GRIK1: variants seen among roughly 807,000 people sequenced by gnomAD.
GRIK1 encodes the protein glutamate receptor ionotropic, kainate 1.
Under a neutral mutation model 105.7 loss-of-function variants are expected in GRIK1, and 69 were observed. The observed-to-expected ratio is 0.65, with a 90% CI of 0.54 to 0.80. The LOEUF (loss-of-function observed/expected upper bound fraction) is 0.80, where lower values mean the gene tolerates loss of function less well. Ranked by LOEUF, GRIK1 falls within the 30% of genes least tolerant of loss-of-function variation. The pLI is 0.00. For missense variants in GRIK1, 1,109 were observed against 1,167.3 expected (o/e 0.95, Z 0.73); for synonymous variants, 438 against 431.3 (o/e 1.02, Z -0.19).
At chr21:29,821,139 G>T (rs2067295017) in intron 1 of GRIK1, among the ~76,000 whole-genome samples, 2 of 151,532 alleles carry the variant, frequency 1.3e-5, no homozygotes, top group African/African-American at 4.8e-5. Context: ...CAAAGGCCTT[G>T]CCCATAATAT....
intron 1 of GRIK1, among the ~76,000 whole-genome samples, chr21:29,921,772 G>A (rs2071201865): frequency 1.3e-5 from 2 of 152,054 alleles, no homozygotes; most frequent in African/African-American, 4.8e-5. Flanking sequence ...ATTAACGTAC[G>A]CTAAAACTTG....
At chr21:29,618,431 C>T (rs182916230) in intron 7 of GRIK1, among the ~76,000 whole-genome samples, 2 of 152,292 alleles carry the variant, frequency 1.3e-5, no homozygotes, top group Non-Finnish European at 2.9e-5. Context: ...CTAGTACAAC[C>T]ACTATGGAAA....
At chr21:29,707,100 G>A (rs1353841254) in intron 1 of GRIK1, among the ~76,000 whole-genome samples, 6 of 152,138 alleles carry the variant, frequency 3.9e-5, no homozygotes, top group African/African-American at 7.2e-5. Context: ...TCCTGACCTC[G>A]TGATCCGCCC....
intron 2 of GRIK1, 129 bp from the exon 3 acceptor site, chr21:29,690,114 T>C (rs2063559004): frequency 1.4e-6 from 1 of 738,948 alleles, no homozygotes; most frequent in Non-Finnish European, 2.2e-6. Context: ...AAAAATCTTT[T>C]ACAATCCCTG....
At chr21:29,639,743 G>C (rs2062471775) in intron 7 of GRIK1, among the ~76,000 whole-genome samples, 1 of 152,200 alleles carries the variant, frequency 6.6e-6, no homozygotes, top group Non-Finnish European at 1.5e-5. Context: ...TACTTTTCAA[G>C]GGTGTTATCC....
chr21:29,625,799 T>C (rs1257890301), intron 7 of GRIK1, among the ~76,000 whole-genome samples: 1 of 152,188 alleles, frequency 6.6e-6, no homozygotes, highest in Non-Finnish European at 1.5e-5. Flanking sequence ...TCTTGCTCAA[T>C]ATTGATTGCA....
At chr21:29,835,800 A>G (rs1400175063) in intron 1 of GRIK1, among the ~76,000 whole-genome samples, 1 of 152,092 alleles carries the variant, frequency 6.6e-6, no homozygotes, top group Admixed American at 6.6e-5. Context: ...TATTTTTTTT[A>G]ACTTATTAAC....
chr21:29,903,865 G>A (rs2070504358), intron 1 of GRIK1, among the ~76,000 whole-genome samples: 1 of 152,136 alleles, frequency 6.6e-6, no homozygotes, highest in Non-Finnish European at 1.5e-5. Flanking sequence ...CAAAGACTTG[G>A]AACCAACCCA....
At chr21:29,601,519 C>T (rs1310812377) in intron 7 of GRIK1, among the ~76,000 whole-genome samples, 2 of 152,138 alleles carry the variant, frequency 1.3e-5, no homozygotes, top group Non-Finnish European at 2.9e-5. Flanking sequence ...TTCCTACCAC[C>T]GCTCCCCTAT....
intron 6 of GRIK1, among the ~76,000 whole-genome samples, chr21:29,643,634 T>C (rs193087804): frequency 1.1e-4 from 16 of 152,282 alleles, no homozygotes; most frequent in African/African-American, 3.6e-4. Flanking sequence ...TTTTAGGGGG[T>C]TGGGCATCTC....
At position 29,640,221 on chromosome 21, in the gene GRIK1, C is replaced by T. The variant is rs2062484451; in HGVS notation, c.1098+2605G>A. ...GACCAAGTTCCTTATTTCATGTTTCCTAATGAAACCTGATACTTGCAAAAT... is the reference window on the plus strand; with the variant it reads ...GACCAAGTTCCTTATTTCATGTTTCTTAATGAAACCTGATACTTGCAAAAT... On this transcript the variant is annotated intron_variant, in intron 7 of 17. Transcript: ENST00000327783. Among the ~76,000 whole-genome samples the T allele has an allele frequency of 3.3e-5, 5 of 151,036 alleles. No homozygotes were observed. In the South Asian group the frequency reaches 1.0e-3, roughly 32 times the overall value.
At position 29,541,575 on chromosome 21, in the gene GRIK1, C is replaced by CTTTTTTTTTTTTT. The variant is rs34910439; in HGVS notation, c.2608-3704_2608-3692dup. ...CTATGCCATTCATTGCACTCACGGT[C>CTTTTTTTTTTTTT]TTTTTTTTTTTTTTTTTTTTTGTGG... On this transcript the variant is annotated intron_variant, in intron 16 of 17. Transcript: ENST00000327783. Among the ~76,000 whole-genome samples, 295 of 95,942 alleles carry CTTTTTTTTTTTTT rather than the reference C, an allele frequency of 3.1e-3. 30 individuals are homozygous for CTTTTTTTTTTTTT. Among genetic ancestry groups the CTTTTTTTTTTTTT allele is most frequent in the African/African-American group, 0.012 (249 of 20,934 alleles). 62.9% of individuals were successfully genotyped at this position (95,942 alleles called of 152,430 possible).
chr21:29,739,302 G>T (rs1479963537), intron 1 of GRIK1, among the ~76,000 whole-genome samples: 2 of 152,148 alleles, frequency 1.3e-5, no homozygotes, highest in African/African-American at 4.8e-5. Flanking sequence ...ATTCTAGGGA[G>T]AGGAAACGGA....
chr21:29,691,165 G>T (rs1332893764), intron 2 of GRIK1, among the ~76,000 whole-genome samples: 1 of 151,022 alleles, frequency 6.6e-6, no homozygotes, highest in Non-Finnish European at 1.5e-5. Flanking sequence ...ACAAAAATTA[G>T]CCAGGTGTGT....
intron 3 of GRIK1, among the ~76,000 whole-genome samples, chr21:29,679,484 A>G (rs1240164885): frequency 1.3e-5 from 2 of 152,214 alleles, no homozygotes; most frequent in Non-Finnish European, 2.9e-5. Context: ...TTGTGTCTCC[A>G]GCCCAGATCC....
At chr21:29,585,894 T>C (rs2091120331) in intron 12 of GRIK1, among the ~76,000 whole-genome samples, 1 of 152,240 alleles carries the variant, frequency 6.6e-6, no homozygotes, top group African/African-American at 2.4e-5. Flanking sequence ...CTTGGTGCTA[T>C]TGACATTTTG....
At chr21:29,626,249 C>A (rs1019822162) in intron 7 of GRIK1, among the ~76,000 whole-genome samples, 9 of 152,038 alleles carry the variant, frequency 5.9e-5, no homozygotes, top group African/African-American at 2.2e-4. Context: ...ACATGAGAGA[C>A]GGGGGACCAA....
chr21:29,823,993 A>G (rs2067376129), intron 1 of GRIK1, among the ~76,000 whole-genome samples: 1 of 151,974 alleles, frequency 6.6e-6, no homozygotes. Context: ...GGATCCCACT[A>G]ACTTCTCTGT....
chr21:29,838,641 T>C (rs2067879427), intron 1 of GRIK1, among the ~76,000 whole-genome samples: 1 of 152,176 alleles, frequency 6.6e-6, no homozygotes, highest in Admixed American at 6.5e-5. Context: ...AATAGAAGAC[T>C]GGTGAAGGGC....
Sources: allele counts gnomAD v4.1 joint callset (sites outside exome capture counted in the v4.1 genomes callset), GRCh38; gene constraint gnomAD v4.1.1; transcripts MANE v1.5; gene names NCBI Gene and HGNC (gene_info 2026-07-23, HGNC 2026-07-21).